Variants in WASF3 observed in about 807,000 individuals in gnomAD.
WASF3 encodes actin-binding protein WASF3.
WASF3 carries 11 observed loss-of-function variants against 46.6 expected under a neutral mutation model. The observed-to-expected ratio is 0.24, with a 90% CI of 0.15 to 0.39. The LOEUF is 0.39. WASF3 is among the 10% of genes least tolerant of loss of function. The pLI is 1.00. For missense variants in WASF3, 576 were observed against 669.8 expected (o/e 0.86, Z 1.55); for synonymous variants, 242 against 259.7 (o/e 0.93, Z 0.65).
At chr13:26,660,124 A>G (rs1882580615) in intron 3 of WASF3, among the ~76,000 whole-genome samples, 1 of 148,642 alleles carries the variant, frequency 6.7e-6, no homozygotes, top group Non-Finnish European at 1.5e-5. Flanking sequence ...AGCTTTTAAA[A>G]GTGGAGTTTT....
At chr13:26,571,924 A>AT (rs1269907275) in intron 1 of WASF3, among the ~76,000 whole-genome samples, 4 of 152,124 alleles carry the variant, frequency 2.6e-5, no homozygotes, top group African/African-American at 9.7e-5. Context: ...GGTTTTGAAC[A>AT]TTTCTTATTG....
intron 1 of WASF3, among the ~76,000 whole-genome samples, chr13:26,593,897 G>A (rs1880377294): frequency 6.6e-6 from 1 of 152,136 alleles, no homozygotes; most frequent in African/African-American, 2.4e-5. Flanking sequence ...CTTTAAATCA[G>A]TTCCTTCCTT....
the WASF3 span, among the ~76,000 whole-genome samples, chr13:26,543,806 C>T: frequency 2.0e-5 from 3 of 152,232 alleles, no homozygotes; most frequent in Non-Finnish European, 4.4e-5. Flanking sequence ...TTGACCTCTT[C>T]TGGTTTCCAT....
Position 26,592,205 on chromosome 13 carries a change from A to G in WASF3, c.-108-20756A>G, listed in dbSNP as rs143648252. Among the ~76,000 whole-genome samples, 145 of 152,296 alleles carry G rather than the reference A, an allele frequency of 9.5e-4. 1 individual carries two copies. Among genetic ancestry groups the G allele is most frequent in the African/African-American group, 3.4e-3 (141 of 41,564 alleles). ...TAATAATAAAATATTTCAACCTGAC[A>G]GCTGACTTTTTAAGAAGCATGTGAT... On this transcript the variant is annotated intron_variant, in intron 1 of 9. Coordinates refer to ENST00000335327, the MANE Select transcript of WASF3 (RefSeq NM_006646.6).
intron 1 of WASF3, among the ~76,000 whole-genome samples, chr13:26,589,190 G>A (rs973167646): frequency 1.3e-5 from 2 of 152,130 alleles, no homozygotes; most frequent in Admixed American, 6.5e-5. Flanking sequence ...TTCTGTTTTT[G>A]TTCAACCAAA....
chr13:26,543,900 C>T, the WASF3 span, among the ~76,000 whole-genome samples: 1 of 152,174 alleles, frequency 6.6e-6, no homozygotes, highest in African/African-American at 2.4e-5. Flanking sequence ...TTTAAACCTA[C>T]AAGAACCGAT....
chr13:26,552,835 G>A (rs1351713353), upstream of WASF3, among the ~76,000 whole-genome samples: 3 of 152,132 alleles, frequency 2.0e-5, no homozygotes, highest in Non-Finnish European at 4.4e-5. Context: ...AATGACAATT[G>A]TTTTTCCACT....
At position 26,681,194 on chromosome 13, in the gene WASF3, A is replaced by G; in HGVS notation, c.857A>G (p.Tyr286Cys). ...GPASQAAEHE[Y>C]RPPSASARHM... The stretch of plus-strand genomic sequence containing the variant: ...GCAAGCCAGGCTGCGGAGCATGAGT[A>G]CCGGCCCCCATCTGCCTCGGCGAGG... Residue 286 changes from tyrosine (Y) to cysteine (C), a missense_variant, in exon 8 of 10, where the codon TAC becomes TGC. Around this residue, in one of 3 missense-constraint regions of WASF3, gnomAD observed 295 missense variants for 291.5 expected, o/e 1.01. Coordinates refer to ENST00000335327, the MANE Select transcript of WASF3 (RefSeq NM_006646.6). 1 of 1,614,030 alleles carries G rather than the reference A, an allele frequency of 6.2e-7. No homozygotes were observed. Among genetic ancestry groups the G allele is most frequent in the Admixed American group, 1.7e-5 (1 of 60,016 alleles).
chr13:26,598,641 T>G (rs953192607), intron 1 of WASF3, among the ~76,000 whole-genome samples: 10 of 152,110 alleles, frequency 6.6e-5, no homozygotes, highest in Non-Finnish European at 1.3e-4. Context: ...AGTTTGAGAG[T>G]GGGATCACGA....
the WASF3 span, among the ~76,000 whole-genome samples, chr13:26,540,989 C>A: frequency 6.6e-6 from 1 of 152,054 alleles, no homozygotes; most frequent in East Asian, 1.9e-4. Context: ...CTCAGTGATA[C>A]GTTAAGAGTG....
In WASF3 at chr13:26,607,577, T is replaced by C. The variant is rs548095625; in HGVS notation, c.-108-5384T>C. 3.3e-5 allele frequency among the ~76,000 whole-genome samples: 5 copies of C among 152,170 alleles called. No individual in the cohort carries two copies. In the South Asian group the frequency reaches 1.0e-3, roughly 32 times the overall value. On this transcript the variant is annotated intron_variant, in intron 1 of 9. Coordinates refer to ENST00000335327, the MANE Select transcript of WASF3 (RefSeq NM_006646.6). ...CTCTTCTGATTGGTGGCCATGAATC[T>C]CTTATTTTTGTTTTTTGTTTTTAAT...
intron 1 of WASF3, among the ~76,000 whole-genome samples, chr13:26,558,592 T>G (rs1443334188): frequency 6.6e-6 from 1 of 152,154 alleles, no homozygotes; most frequent in East Asian, 1.9e-4. Context: ...TGGCGATTGC[T>G]TCTTGATTTG....
rs764438227 is a variant in WASF3 at position 26,671,924 on chromosome 13, G to C, written c.475G>C (p.Asp159His). Residue 159 changes from aspartate to histidine, a missense_variant, in exon 6 of 10, where the codon GAC becomes CAC. By Grantham distance (81) the Asp-to-His change is moderately conservative. Transcript: ENST00000335327. ...KFYTDPSYFFDLWKEKMLQDT... is the reference protein window; with the variant it reads ...KFYTDPSYFFHLWKEKMLQDT... ...CTATACTGATCCTTCCTATTTCTTTGACCTCTGGAAAGAAAAAATGCTACA... is the reference window on the plus strand; with the variant it reads ...CTATACTGATCCTTCCTATTTCTTTCACCTCTGGAAAGAAAAAATGCTACA... 6.2e-7 allele frequency: 1 copy of C among 1,610,946 alleles called. No individual in the cohort carries two copies. The highest frequency in any genetic ancestry group is 8.5e-7 in the Non-Finnish European group (1 of 1,179,290).
Position 26,683,039 on chromosome 13 carries a change from G to A in WASF3, c.1351+65G>A. Reference sequence around the variant, plus strand: ...AGAGGTTTCTTCATGTCTCCAGCCAGCTACAGCCTCCTTGTCTTCAAATGA... The same window carrying A: ...AGAGGTTTCTTCATGTCTCCAGCCAACTACAGCCTCCTTGTCTTCAAATGA... On this transcript the variant is annotated intron_variant, in intron 9 of 9. Transcript: ENST00000335327. 1.9e-6 allele frequency: 3 copies of A among 1,544,088 alleles called. No individual in the cohort carries two copies. In the South Asian group the frequency reaches 3.7e-5, roughly 19 times the overall value.
rs148277301 is a variant in WASF3, at chr13:26,642,747, G to A, written c.133+344G>A. Among the ~76,000 whole-genome samples, 135 of 152,230 alleles carry A rather than the reference G, an allele frequency of 8.9e-4. 3 individuals are homozygous for A. The East Asian group carries it at 0.024, about 28-fold the overall frequency. ...TGAATTATTTTGTTAAACTTGAATAGGACCAATTGTTTTGTTTTTTAAGTG... is the reference window on the plus strand; with the variant it reads ...TGAATTATTTTGTTAAACTTGAATAAGACCAATTGTTTTGTTTTTTAAGTG... On this transcript the variant is annotated intron_variant, in intron 3 of 9. Transcript: ENST00000335327.
intron 3 of WASF3, among the ~76,000 whole-genome samples, chr13:26,657,518 G>T (rs1259445460): frequency 6.6e-6 from 1 of 152,088 alleles, no homozygotes; most frequent in Non-Finnish European, 1.5e-5. Flanking sequence ...CCTCTCCCGG[G>T]TTACATTCCT....
At chr13:26,637,724 A>G (rs990513914) in intron 2 of WASF3, among the ~76,000 whole-genome samples, 8 of 152,144 alleles carry the variant, frequency 5.3e-5, no homozygotes, top group African/African-American at 1.9e-4. Context: ...TCATTTGGAC[A>G]TTTTCCAGGT....
chr13:26,557,516 C>G (rs1026192704), upstream of WASF3, among the ~76,000 whole-genome samples: 1 of 151,494 alleles, frequency 6.6e-6, no homozygotes, highest in Non-Finnish European at 1.5e-5. Context: ...CAATCCCCCG[C>G]CCCTCGGCAC....
intron 2 of WASF3, among the ~76,000 whole-genome samples, chr13:26,615,807 G>A (rs1001591421): frequency 3.3e-5 from 5 of 151,990 alleles, no homozygotes; most frequent in Admixed American, 6.6e-5. Context: ...CTCACATAAC[G>A]GCTGCTCTGC....
Sources: allele counts gnomAD v4.1 joint callset (sites outside exome capture counted in the v4.1 genomes callset), GRCh38; gene constraint gnomAD v4.1.1; regional missense constraint gnomAD v4.1.1; transcripts MANE v1.5; gene names NCBI Gene and HGNC (gene_info 2026-07-23, HGNC 2026-07-21).